CACNA2D3: variants seen among roughly 807,000 people sequenced by gnomAD.
The protein encoded by CACNA2D3 is voltage-dependent calcium channel subunit alpha-2/delta-3.
In CACNA2D3, 60 loss-of-function variants were observed where a neutral mutation model predicts 160.6. That is an observed-to-expected ratio of 0.37 (90% CI 0.30 to 0.46). The LOEUF is 0.46. Among genes scored for constraint, CACNA2D3 ranks in the 20% least tolerant of loss-of-function variants. The pLI, the probability that CACNA2D3 is intolerant of heterozygous loss-of-function variation, is 1.00. For missense variants in CACNA2D3, 1,205 were observed against 1,365.0 expected, an observed-to-expected ratio of 0.88 and a Z score of 1.85; for synonymous variants, 558 against 492.9, an observed-to-expected ratio of 1.13 and a Z score of -1.75.
At chr3:54,757,600 A>G (rs918374317) in intron 12 of CACNA2D3, among the ~76,000 whole-genome samples, 2 of 152,218 alleles carry the variant, frequency 1.3e-5, no homozygotes, top group African/African-American at 4.8e-5. Context: ...TTCATTGCAC[A>G]CATTCCTTAG....
chr3:54,132,491 G>T (rs1451232096), intron 2 of CACNA2D3, among the ~76,000 whole-genome samples: 3 of 152,202 alleles, frequency 2.0e-5, no homozygotes, highest in Admixed American at 2.0e-4. Flanking sequence ...CCTGAAGTAA[G>T]ATGTAATCCT....
intron 2 of CACNA2D3, among the ~76,000 whole-genome samples, chr3:54,159,165 A>G (rs1485633778): frequency 6.6e-6 from 1 of 152,186 alleles, no homozygotes; most frequent in African/African-American, 2.4e-5. Flanking sequence ...CATCATAAAA[A>G]CAGAACATGA....
At chr3:54,584,316 A>G (rs930124699) in intron 9 of CACNA2D3, among the ~76,000 whole-genome samples, 1 of 152,232 alleles carries the variant, frequency 6.6e-6, no homozygotes, top group African/African-American at 2.4e-5. Context: ...GAAACAGTAG[A>G]AAATCTCCCA....
chr3:54,590,763 C>G (rs1243236572), intron 9 of CACNA2D3, among the ~76,000 whole-genome samples: 1 of 151,978 alleles, frequency 6.6e-6, no homozygotes, highest in African/African-American at 2.4e-5. Context: ...TTATTTCACA[C>G]AGTTACATGT....
intron 27 of CACNA2D3, chr3:54,924,665 G>T: frequency 1.2e-6 from 2 of 1,614,080 alleles, no homozygotes; most frequent in Non-Finnish European, 1.7e-6. Flanking sequence ...CGAGCAAGTG[G>T]CAATTGCATT....
chr3:54,623,049 T>C (rs1432694049), intron 9 of CACNA2D3, among the ~76,000 whole-genome samples: 3 of 152,114 alleles, frequency 2.0e-5, no homozygotes, highest in African/African-American at 7.2e-5. Context: ...GCAGCCAGGG[T>C]CATTGGTTTG....
chr3:54,799,658 C>T (rs1702941079), intron 13 of CACNA2D3, among the ~76,000 whole-genome samples: 1 of 152,066 alleles, frequency 6.6e-6, no homozygotes, highest in Non-Finnish European at 1.5e-5. Flanking sequence ...ATATGAAGAC[C>T]CTTTCATCTT....
chr3:54,998,504 G>T (rs1400147273), intron 31 of CACNA2D3, among the ~76,000 whole-genome samples: 1 of 152,154 alleles, frequency 6.6e-6, no homozygotes, highest in African/African-American at 2.4e-5. Context: ...TAATATCTCA[G>T]TATCTACAAT....
At chr3:55,025,326 A>G (rs894281156) in intron 35 of CACNA2D3, among the ~76,000 whole-genome samples, 3 of 152,112 alleles carry the variant, frequency 2.0e-5, no homozygotes, top group South Asian at 4.1e-4. Context: ...GGGAATGCCA[A>G]GATGGATAAG....
intron 29 of CACNA2D3, among the ~76,000 whole-genome samples, chr3:54,981,498 G>A (rs1293079463): frequency 6.6e-6 from 1 of 152,120 alleles, no homozygotes; most frequent in Non-Finnish European, 1.5e-5. Context: ...TTGGGAGCGA[G>A]GGGGAGAGAA....
intron 9 of CACNA2D3, among the ~76,000 whole-genome samples, chr3:54,617,819 C>T (rs625303): frequency 1 from 151,869 of 152,230 alleles, 75,754 homozygotes; most frequent in East Asian, 1. Flanking sequence ...CCAGGAGATA[C>T]AATAGAGAAG....
At chr3:54,438,384 C>T (rs1297563152) in intron 4 of CACNA2D3, among the ~76,000 whole-genome samples, 1 of 152,122 alleles carries the variant, frequency 6.6e-6, no homozygotes, top group Non-Finnish European at 1.5e-5. Flanking sequence ...CCTTTACCAA[C>T]CAAAATAAGG....
At chr3:55,040,228 C>T (rs1040519858) in intron 35 of CACNA2D3, among the ~76,000 whole-genome samples, 1 of 152,066 alleles carries the variant, frequency 6.6e-6, no homozygotes, top group Non-Finnish European at 1.5e-5. Flanking sequence ...AATTACCTCC[C>T]AAAGGCCCTG....
intron 17 of CACNA2D3, among the ~76,000 whole-genome samples, chr3:54,854,239 A>G (rs939840933): frequency 1.3e-5 from 2 of 152,158 alleles, no homozygotes; most frequent in East Asian, 3.9e-4. Context: ...TTCTTTTGGA[A>G]ATACATCATT....
intron 11 of CACNA2D3, among the ~76,000 whole-genome samples, chr3:54,745,703 G>T (rs1356188988): frequency 6.6e-6 from 1 of 152,172 alleles, no homozygotes; most frequent in East Asian, 1.9e-4. Context: ...CGTAGTCTCT[G>T]GATGGCCAAG....
At chr3:54,125,710 A>G (rs1312032861) in intron 2 of CACNA2D3, among the ~76,000 whole-genome samples, 4 of 152,190 alleles carry the variant, frequency 2.6e-5, no homozygotes, top group African/African-American at 9.6e-5. Flanking sequence ...CTATCCCCGC[A>G]AATGCTTTTG....
intron 5 of CACNA2D3, among the ~76,000 whole-genome samples, chr3:54,540,974 G>C (rs533079141): frequency 6.6e-6 from 1 of 152,194 alleles, no homozygotes. Flanking sequence ...TCTAATAATA[G>C]GTGTCCTTTT....
Position 54,303,569 on chromosome 3 carries a change from G to A in CACNA2D3, c.205-16873G>A, listed in dbSNP as rs371150990. ...ATGTATGACTGGAGTCTGTGAGTTT[G>A]GTGGCCTTTCTGAAGTTTCAAAGCA... On this transcript the variant is annotated intron_variant, in intron 2 of 37. Coordinates refer to ENST00000474759, the MANE Select transcript of CACNA2D3 (RefSeq NM_018398.3). Among the ~76,000 whole-genome samples the A allele has an allele frequency of 2.6e-5, 4 of 152,140 alleles. No homozygotes were observed. The South Asian group carries it at 8.3e-4, about 31-fold the overall frequency.
chr3:54,819,634 C>G (rs1703538821), intron 14 of CACNA2D3, among the ~76,000 whole-genome samples: 1 of 152,162 alleles, frequency 6.6e-6, no homozygotes, highest in Admixed American at 6.5e-5. Context: ...ATTACGAGGT[C>G]AGGAGATCGA....
Sources: allele counts gnomAD v4.1 joint callset (sites outside exome capture counted in the v4.1 genomes callset), GRCh38; gene constraint gnomAD v4.1.1; transcripts MANE v1.5; gene names NCBI Gene and HGNC (gene_info 2026-07-23, HGNC 2026-07-21).